The following EVI5 variants were observed in gnomAD, a reference collection of about 807,000 sequenced individuals.
The protein encoded by EVI5 is ecotropic viral integration site 5 protein homolog.
EVI5 carries 73 observed loss-of-function variants against 112.0 expected under a neutral mutation model. The ratio of observed to expected loss-of-function variants is 0.65; its 90% CI spans 0.54 to 0.79. The LOEUF (loss-of-function observed/expected upper bound fraction) is 0.79, where lower values mean the gene tolerates loss of function less well. EVI5 is among the 30% of genes least tolerant of loss of function. The probability of loss-of-function intolerance (pLI) is 0.00; values close to 1 mark genes in which losing one functional copy is unlikely to be tolerated. For synonymous variants in EVI5, 305 were observed against 319.9 expected (o/e 0.95, Z 0.50); for missense variants, 900 against 968.8 (o/e 0.93, Z 0.94).
chr1:92,518,742 G>C (rs1006091910), intron 19 of EVI5, among the ~76,000 whole-genome samples: 1 of 151,806 alleles, frequency 6.6e-6, no homozygotes, highest in African/African-American at 2.4e-5. Context: ...CAAGTGTCCA[G>C]GACAGTGGAT....
chr1:92,730,843 T>A (rs1676350517), intron 2 of EVI5, among the ~76,000 whole-genome samples: 1 of 152,092 alleles, frequency 6.6e-6, no homozygotes, highest in East Asian at 1.9e-4. Flanking sequence ...GGTTCCCAGT[T>A]AGTAGCAATG....
intron 1 of EVI5, among the ~76,000 whole-genome samples, chr1:92,772,521 T>C (rs1480020148): frequency 6.6e-6 from 1 of 152,084 alleles, no homozygotes; most frequent in Non-Finnish European, 1.5e-5. Context: ...AAGTTAAACA[T>C]ACATCTTCCC....
rs573240187 is a variant in EVI5 at position 92,690,563 on chromosome 1, T to C, written c.1097+3239A>G. On this transcript the variant is annotated intron_variant, in intron 9 of 19. Transcript: ENST00000684568. The stretch of plus-strand genomic sequence containing the variant: ...CAGGATTTCACCACGTTGCCCAGGC[T>C]GGTCTTGAATTCCTGGCCTCAAGTG... Among the ~76,000 whole-genome samples the C allele has an allele frequency of 3.9e-5, 6 of 152,210 alleles. No individual in the cohort carries two copies. The South Asian group carries it at 8.3e-4, about 21-fold the overall frequency.
intron 1 of EVI5, among the ~76,000 whole-genome samples, chr1:92,737,254 G>C (rs1677600796): frequency 6.6e-6 from 1 of 152,168 alleles, no homozygotes. Flanking sequence ...AATAGAATGA[G>C]AGGGGTTCAA....
At chr1:92,669,587 T>C (rs75468820) in intron 10 of EVI5, among the ~76,000 whole-genome samples, 246 of 137,350 alleles carry the variant, frequency 1.8e-3, no homozygotes, top group East Asian at 0.014. Context: ...TATCTTTATA[T>C]AACATGGAGC....
Position 92,703,337 on chromosome 1 carries a change from A to G in EVI5, c.564+58T>C, listed in dbSNP as rs113830804. 1.1e-4 allele frequency: 121 copies of G among 1,055,938 alleles called. 3 individuals carry two copies. In the African/African-American group the frequency reaches 1.6e-3, roughly 14 times the overall value. 65.4% of individuals were successfully genotyped at this position (1,055,938 alleles called of 1,614,324 possible). A position where few individuals can be genotyped will look rare whatever the true frequency, so the allele number is the denominator to read the frequency against. ...GGTCATGCTTCATCATGAAAAATGT[A>G]TAATTTCAACCTTCCAGGAATTCAT... On this transcript the variant is annotated intron_variant, in intron 4 of 19. Coordinates refer to ENST00000684568, the MANE Select transcript of EVI5 (RefSeq NM_001350197.2).
intron 18 of EVI5, among the ~76,000 whole-genome samples, chr1:92,572,321 C>A (rs1341047210): frequency 6.6e-6 from 1 of 152,002 alleles, no homozygotes; most frequent in African/African-American, 2.4e-5. Flanking sequence ...AGAAAATATA[C>A]CAAAATATTA....
intron 16 of EVI5, among the ~76,000 whole-genome samples, chr1:92,622,729 G>A (rs1420689555): frequency 6.6e-6 from 1 of 152,098 alleles, no homozygotes; most frequent in Admixed American, 6.5e-5. Flanking sequence ...TTAGGAACCA[G>A]TGCCTATTAC....
At chr1:92,531,186 C>A (rs1480491856) in intron 19 of EVI5, among the ~76,000 whole-genome samples, 2 of 151,682 alleles carry the variant, frequency 1.3e-5, no homozygotes, top group Non-Finnish European at 2.9e-5. Context: ...GAAAGGATAT[C>A]AGAGATTGAA....
At chr1:92,590,907 C>G (rs1009463861) in intron 18 of EVI5, among the ~76,000 whole-genome samples, 2 of 152,200 alleles carry the variant, frequency 1.3e-5, no homozygotes, top group Non-Finnish European at 2.9e-5. Context: ...AGACTAACAG[C>G]TGATCTCTCA....
intron 1 of EVI5, among the ~76,000 whole-genome samples, chr1:92,743,689 T>A (rs1485511410): frequency 1.3e-5 from 2 of 152,132 alleles, no homozygotes; most frequent in East Asian, 3.9e-4. Flanking sequence ...CACAATGAAA[T>A]CTGGGGGAAA....
upstream of EVI5, among the ~76,000 whole-genome samples, chr1:92,785,458 G>A (rs941932073): frequency 6.6e-6 from 1 of 152,220 alleles, no homozygotes; most frequent in Non-Finnish European, 1.5e-5. Context: ...GGCACGCGGT[G>A]CTGACGCGCA....
At chr1:92,549,176 G>C (rs577559078) in intron 19 of EVI5, among the ~76,000 whole-genome samples, 27 of 152,208 alleles carry the variant, frequency 1.8e-4, no homozygotes, top group African/African-American at 6.3e-4. Flanking sequence ...TAGAACAGAG[G>C]CCTCAGAAAT....
At chr1:92,745,024 A>G (rs10782942) in intron 1 of EVI5, among the ~76,000 whole-genome samples, 139,468 of 151,746 alleles carry the variant, frequency 0.92, 64,174 homozygotes, top group East Asian at 0.97. Flanking sequence ...TCAACCTCCC[A>G]AGCTCAAGCA....
chr1:92,605,220 A>G, intron 18 of EVI5, 87 bp downstream of exon 18: 1 of 892,382 alleles, frequency 1.1e-6, no homozygotes, highest in South Asian at 1.6e-5. Context: ...AATCACAGTC[A>G]CGAGGATAAA....
chr1:92,628,681 T>C (rs1007530486), intron 14 of EVI5, among the ~76,000 whole-genome samples: 11 of 152,202 alleles, frequency 7.2e-5, no homozygotes, highest in African/African-American at 2.4e-4. Context: ...AATGAGGCCG[T>C]AGGGAAAGCT....
intron 14 of EVI5, among the ~76,000 whole-genome samples, chr1:92,629,562 T>G (rs1394176611): frequency 6.6e-6 from 1 of 152,240 alleles, no homozygotes; most frequent in Non-Finnish European, 1.5e-5. Flanking sequence ...TTAGCTTCTG[T>G]AAGTACATTC....
intron 16 of EVI5, among the ~76,000 whole-genome samples, chr1:92,614,011 A>T (rs1652478874): frequency 6.6e-6 from 1 of 152,242 alleles, no homozygotes; most frequent in South Asian, 2.1e-4. Flanking sequence ...CAAAGGGAAA[A>T]CCTAAAGACA....
rs1237497180 is a variant in EVI5 at position 92,636,353 on chromosome 1, T to G, written c.1393-17A>C. On this transcript the variant is annotated splice_polypyrimidine_tract_variant and intron_variant, in intron 13 of 19. Coordinates refer to ENST00000684568, the MANE Select transcript of EVI5 (RefSeq NM_001350197.2). ...GCATTTATGCTAAAGGTTACAGACA[T>G]ACACTGAAATTTCATGAAAGTATAA... 6.2e-7 allele frequency: 1 copy of G among 1,606,760 alleles called. No homozygotes were observed. The highest frequency in any genetic ancestry group is 8.5e-7 in the Non-Finnish European group (1 of 1,174,784).
Sources: allele counts gnomAD v4.1 joint callset (sites outside exome capture counted in the v4.1 genomes callset), GRCh38; gene constraint gnomAD v4.1.1; transcripts MANE v1.5; gene names NCBI Gene and HGNC (gene_info 2026-07-23, HGNC 2026-07-21).